Variants in EIF4H observed in about 807,000 individuals in gnomAD.
EIF4H encodes Williams-Beuren syndrome chromosome region 1.
Under a neutral mutation model 30.6 loss-of-function variants are expected in EIF4H, and 8 were observed. That is an observed-to-expected ratio of 0.26 (90% CI 0.15 to 0.47). The LOEUF is 0.47. Ranked by LOEUF, EIF4H falls within the 20% of genes least tolerant of loss-of-function variation. The pLI is 0.99. For missense variants in EIF4H, 188 were observed against 339.5 expected (o/e 0.55, Z 3.51); for synonymous variants, 106 against 122.7 (o/e 0.86, Z 0.90).
At chr7:74,186,788 ATTTTTTTTTTTTTTTTTTTTTTT>A (rs564794579) in intron 1 of EIF4H, among the ~76,000 whole-genome samples, 1,044 of 70,038 alleles carry the variant, frequency 0.015, 104 homozygotes, top group East Asian at 0.019. Flanking sequence ...ACAAGGAGAA[ATTTTTTTTTTTTTTTTTTTTTTT>A]TTTTTTTTTT....
intron 5 of EIF4H, chr7:74,191,317 G>A (rs1554709926): frequency 1.9e-6 from 1 of 528,128 alleles, no homozygotes; most frequent in East Asian, 5.5e-5. Flanking sequence ...GAGCCAACCA[G>A]CAGCTCAGGG....
At chr7:74,178,066 A>G (rs1800879669) in intron 1 of EIF4H, among the ~76,000 whole-genome samples, 4 of 152,036 alleles carry the variant, frequency 2.6e-5, no homozygotes, top group South Asian at 2.1e-4. Context: ...TCAGCCTCCC[A>G]AGTAGCTGGG....
At chr7:74,186,050 G>C (rs985128994) in intron 1 of EIF4H, among the ~76,000 whole-genome samples, 13 of 152,048 alleles carry the variant, frequency 8.5e-5, no homozygotes, top group African/African-American at 3.1e-4. Flanking sequence ...TGACTATTCT[G>C]CCTTGTTTGC....
intron 1 of EIF4H, among the ~76,000 whole-genome samples, chr7:74,181,038 A>C (rs1486494128): frequency 6.6e-6 from 1 of 152,130 alleles, no homozygotes; most frequent in Non-Finnish European, 1.5e-5. Context: ...GCCCAGCCTC[A>C]ACCATTTTTA....
At chr7:74,194,181 T>C (rs1356957036) in intron 5 of EIF4H, among the ~76,000 whole-genome samples, 4 of 152,316 alleles carry the variant, frequency 2.6e-5, no homozygotes, top group Admixed American at 2.6e-4. Flanking sequence ...CATGGCCAAT[T>C]TCGGATAACT....
chr7:74,195,149 C>G lies in EIF4H; in HGVS notation c.608-20C>G, dbSNP rs1302931956. ...GGAATGGGATCCACACTCTGACAAA[C>G]TCTGCTTTTTCTCCCCCAGAGGAAA... On this transcript the variant is annotated intron_variant, in intron 6 of 6. Transcript: ENST00000265753. The G allele has an allele frequency of 1.9e-6, 3 of 1,612,868 alleles. No homozygotes were observed. In the African/African-American group the frequency reaches 4.0e-5, roughly 22 times the overall value.
intron 3 of EIF4H, 30 bp from the exon 4 acceptor site, chr7:74,189,792 A>G (rs781996960): frequency 8.1e-6 from 13 of 1,614,002 alleles, no homozygotes; most frequent in Admixed American, 3.3e-5. Context: ...TTCTTTGCCA[A>G]TACTTACACT....
chr7:74,184,654 T>G (rs921232374), intron 1 of EIF4H, among the ~76,000 whole-genome samples: 8 of 152,146 alleles, frequency 5.3e-5, no homozygotes, highest in African/African-American at 1.9e-4. Flanking sequence ...TTGTTTTTTG[T>G]TTGTTTGGTT....
At chr7:74,186,812 T>A (rs1554709246) in intron 1 of EIF4H, among the ~76,000 whole-genome samples, 962 of 65,026 alleles carry the variant, frequency 0.015, 97 homozygotes, top group East Asian at 0.023. Flanking sequence ...TTTTTTTTTT[T>A]TTTTTTTTTT....
intron 5 of EIF4H, among the ~76,000 whole-genome samples, chr7:74,193,268 C>G (rs1428880780): frequency 6.6e-6 from 1 of 152,226 alleles, no homozygotes; most frequent in African/African-American, 2.4e-5. Context: ...AAAGACTTGA[C>G]AGCTAATAAC....
intron 4 of EIF4H, 155 bp from the exon 5 acceptor site, chr7:74,190,092 G>A: frequency 1.8e-6 from 2 of 1,113,714 alleles, no homozygotes; most frequent in Non-Finnish European, 2.5e-6. Flanking sequence ...CTGCAAGCCT[G>A]GCGTTTTTTG....
chr7:74,187,320 C>G (rs1801107436), intron 1 of EIF4H, among the ~76,000 whole-genome samples: 1 of 152,208 alleles, frequency 6.6e-6, no homozygotes, highest in East Asian at 1.9e-4. Context: ...ATCTCAGCAT[C>G]CTTAGGAGGC....
At chr7:74,190,896 T>A (rs1247844281) in intron 5 of EIF4H, among the ~76,000 whole-genome samples, 1 of 152,262 alleles carries the variant, frequency 6.6e-6, no homozygotes, top group Non-Finnish European at 1.5e-5. Flanking sequence ...TTTCTGTTTT[T>A]AAATTACAAA....
At chr7:74,175,722 A>AG (rs1800824099) in intron 1 of EIF4H, among the ~76,000 whole-genome samples, 1 of 149,236 alleles carries the variant, frequency 6.7e-6, no homozygotes, top group African/African-American at 2.6e-5. Context: ...TTTAATAACT[A>AG]GGGTTTTTTT....
At chr7:74,181,893 T>C (rs1800971012) in intron 1 of EIF4H, among the ~76,000 whole-genome samples, 1 of 151,854 alleles carries the variant, frequency 6.6e-6, no homozygotes, top group Non-Finnish European at 1.5e-5. Context: ...ATTTTTGTAC[T>C]GTTAGTAGAG....
intron 1 of EIF4H, among the ~76,000 whole-genome samples, chr7:74,184,177 A>G (rs1004436355): frequency 2.6e-5 from 4 of 152,104 alleles, no homozygotes; most frequent in African/African-American, 7.2e-5. Flanking sequence ...AGATTTTTCT[A>G]TCTTCTCCAA....
At chr7:74,176,741 C>A (rs188553382) in intron 1 of EIF4H, among the ~76,000 whole-genome samples, 1 of 152,116 alleles carries the variant, frequency 6.6e-6, no homozygotes, top group African/African-American at 2.4e-5. Flanking sequence ...TTTTTTCCCC[C>A]GAGCCTGTAA....
At chr7:74,185,567 CT>C (rs1309793853) in intron 1 of EIF4H, among the ~76,000 whole-genome samples, 613 of 144,622 alleles carry the variant, frequency 4.2e-3, no homozygotes, top group Non-Finnish European at 3.9e-3. Flanking sequence ...AACTTAAAAG[CT>C]TTTTTTTTTT....
intron 5 of EIF4H, among the ~76,000 whole-genome samples, chr7:74,193,727 C>T (rs1801278755): frequency 6.6e-6 from 1 of 152,004 alleles, no homozygotes; most frequent in Non-Finnish European, 1.5e-5. Flanking sequence ...ATTATCCTGC[C>T]TCAGCCTCAT....
Sources: allele counts gnomAD v4.1 joint callset (sites outside exome capture counted in the v4.1 genomes callset), GRCh38; gene constraint gnomAD v4.1.1; transcripts MANE v1.5; gene names NCBI Gene and HGNC (gene_info 2026-07-23, HGNC 2026-07-21).